The following ARNT2 variants were observed in gnomAD, a reference collection of about 807,000 sequenced individuals.
The protein encoded by ARNT2 is aryl hydrocarbon receptor nuclear translocator 2, also known as ARNT protein 2.
A neutral mutation model predicts 91.7 loss-of-function variants in ARNT2; 36 were observed. The observed-to-expected ratio is 0.39, with a 90% CI of 0.30 to 0.52. The LOEUF (loss-of-function observed/expected upper bound fraction) is 0.52. ARNT2 is among the 20% of genes least tolerant of loss of function. The pLI is 0.72. For synonymous variants in ARNT2, 365 were observed against 347.1 expected, an observed-to-expected ratio of 1.05 and a Z score of -0.57; for missense variants, 775 against 939.3, an observed-to-expected ratio of 0.83 and a Z score of 2.29.
chr15:80,575,365 A>G (rs1898655940), intron 14 of ARNT2, among the ~76,000 whole-genome samples: 1 of 152,134 alleles, frequency 6.6e-6, no homozygotes, highest in African/African-American at 2.4e-5. Flanking sequence ...TGAACATGTT[A>G]GGGATTGTAG....
Position 80,404,466 on chromosome 15 carries a change from C to T in ARNT2, c.-50C>T. The T allele has an allele frequency of 8.4e-7, 1 of 1,188,078 alleles. No homozygotes were observed. The highest frequency in any genetic ancestry group is 3.3e-5 in the Admixed American group (1 of 29,974). The allele number at this position is 1,188,078 out of a possible 1,614,324, so 73.6% of individuals were successfully genotyped here. On this transcript the variant is annotated 5_prime_UTR_variant, in exon 1 of 19. Transcript: ENST00000303329. The surrounding 1 kb of genome is among the most constrained non-coding windows in gnomAD (Gnocchi z 5.5). ...CCGGGGCTGAGCGCCGGGCTCCGCG[C>T]CGCCCCTCCCGCGCCCCTGCCAAGC... is the stretch of plus-strand genomic sequence containing the variant.
intron 8 of ARNT2, among the ~76,000 whole-genome samples, chr15:80,537,680 T>C (rs541380869): frequency 6.6e-6 from 1 of 152,230 alleles, no homozygotes; most frequent in African/African-American, 2.4e-5. Flanking sequence ...AATAAACATA[T>C]AAAATATTTG....
chr15:80,509,404 T>C (rs1440613939), intron 6 of ARNT2, among the ~76,000 whole-genome samples: 5 of 151,940 alleles, frequency 3.3e-5, no homozygotes, highest in Non-Finnish European at 7.4e-5. Flanking sequence ...ATCGCGCCAC[T>C]GCACCCCAGC....
intron 1 of ARNT2, among the ~76,000 whole-genome samples, chr15:80,416,932 C>T (rs933913327): frequency 6.6e-6 from 1 of 152,128 alleles, no homozygotes; most frequent in Non-Finnish European, 1.5e-5. Flanking sequence ...TGGCAGACCT[C>T]ATCTTTGGGT....
At chr15:80,514,964 T>C (rs944821745) in intron 8 of ARNT2, among the ~76,000 whole-genome samples, 20 of 152,178 alleles carry the variant, frequency 1.3e-4, no homozygotes, top group African/African-American at 4.8e-4. Flanking sequence ...TAGCAACTTG[T>C]TTCTAGGTTC....
chr15:80,470,884 G>A (rs1180923010), intron 4 of ARNT2, among the ~76,000 whole-genome samples: 1 of 152,210 alleles, frequency 6.6e-6, no homozygotes, highest in Admixed American at 6.5e-5. Flanking sequence ...AGTAACAGAT[G>A]CTAGTGAGGT....
At chr15:80,439,151 A>G (rs1896145500) in intron 1 of ARNT2, among the ~76,000 whole-genome samples, 1 of 152,210 alleles carries the variant, frequency 6.6e-6, no homozygotes, top group Non-Finnish European at 1.5e-5. Context: ...AGTTCAAAAT[A>G]CATCATACAT....
At chr15:80,427,940 C>G (rs770432435) in intron 1 of ARNT2, among the ~76,000 whole-genome samples, 4 of 152,242 alleles carry the variant, frequency 2.6e-5, no homozygotes, top group Non-Finnish European at 4.4e-5. Flanking sequence ...GACTCCAGCT[C>G]TGAAGGGTCT....
intron 3 of ARNT2, among the ~76,000 whole-genome samples, chr15:80,462,138 G>A (rs895739861): frequency 6.6e-6 from 1 of 152,100 alleles, no homozygotes; most frequent in Admixed American, 6.5e-5. Context: ...CTCAAGCAGA[G>A]GGCCAAAGCC....
Position 80,595,869 on chromosome 15 carries a change from G to C in ARNT2, c.*2171G>C, listed in dbSNP as rs1308837307. 6.6e-6 allele frequency: 1 copy of C among 152,202 alleles called. No individual in the cohort carries two copies. Among genetic ancestry groups the C allele is most frequent in the African/African-American group, 2.4e-5 (1 of 41,452 alleles). 9.4% of individuals were successfully genotyped at this position (152,202 alleles called of 1,614,324 possible). A position where few individuals can be genotyped will look rare whatever the true frequency, so the allele number is the denominator to read the frequency against. On this transcript the variant is annotated 3_prime_UTR_variant, in exon 19 of 19. Coordinates refer to ENST00000303329, the MANE Select transcript of ARNT2 (RefSeq NM_014862.4). ...CAGGCTTGAGCTTGCCCCAGGCCTTGGGCATAATTATTTCCCCCCAAAAAA... is the reference window on the plus strand; with the variant it reads ...CAGGCTTGAGCTTGCCCCAGGCCTTCGGCATAATTATTTCCCCCCAAAAAA...
chr15:80,536,343 A>C (rs866356878), intron 8 of ARNT2, among the ~76,000 whole-genome samples: 3 of 152,214 alleles, frequency 2.0e-5, no homozygotes, highest in South Asian at 2.1e-4. Context: ...TGACGTTTAC[A>C]TAGCTTGCCA....
In ARNT2 at chr15:80,437,640, G is replaced by A. The variant is rs75806402; in HGVS notation, c.32-13240G>A. On this transcript the variant is annotated intron_variant, in intron 1 of 18. Transcript: ENST00000303329. ...CTTTCATCACCTCTGTCCCATCCCT[G>A]TAGGGAAGTTTGCTCAGCTGGAGGT... 7.2e-4 allele frequency among the ~76,000 whole-genome samples: 110 copies of A among 152,188 alleles called. 1 individual carries two copies. The highest frequency in any genetic ancestry group is 2.2e-3 in the African/African-American group (92 of 41,520).
intron 7 of ARNT2, 112 bp downstream of exon 7, chr15:80,514,088 A>G: frequency 8.8e-7 from 1 of 1,136,016 alleles, no homozygotes; most frequent in Non-Finnish European, 1.3e-6. Flanking sequence ...GGACCAAGAG[A>G]ACCAGACATC....
chr15:80,409,227 C>A (rs2141551721), intron 1 of ARNT2, among the ~76,000 whole-genome samples: 1 of 152,346 alleles, frequency 6.6e-6, no homozygotes, highest in East Asian at 1.9e-4. Context: ...CATGCTCCAC[C>A]TATTCATTCC....
chr15:80,435,692 G>A (rs1195710240), intron 1 of ARNT2, among the ~76,000 whole-genome samples: 1 of 152,204 alleles, frequency 6.6e-6, no homozygotes. Flanking sequence ...TGGGAGGCGT[G>A]TGGGCTTCAG....
At position 80,576,880 on chromosome 15, in the gene ARNT2, A is replaced by G; in HGVS notation, c.1528A>G (p.Met510Val). Residue 510 changes from methionine to valine, a missense_variant, in exon 15 of 19, where the codon ATG becomes GTG. Around this residue, in one of 5 missense-constraint regions of ARNT2, gnomAD observed 325 missense variants for 359.9 expected, o/e 0.90. Transcript: ENST00000303329. ...GGTTTTCCTAGCGGAGAAGAAGATG[A>G]TGAGCTCAGCCTCTGCAGCAGGAAC... ...AGISASEKKM[M>V]SSASAAGTQQ... 6.2e-7 allele frequency: 1 copy of G among 1,614,076 alleles called. No homozygotes were observed. The highest frequency in any genetic ancestry group is 1.3e-5 in the African/African-American group (1 of 75,052).
intron 4 of ARNT2, 133 bp downstream of exon 4, chr15:80,470,564 C>T (rs769784585): frequency 1.9e-6 from 2 of 1,026,558 alleles, no homozygotes; most frequent in Non-Finnish European, 2.8e-6. Flanking sequence ...TTCCATTTTT[C>T]TCCAAGAAGC....
chr15:80,580,166 G>C (rs1349113758), intron 15 of ARNT2: 1 of 509,350 alleles, frequency 2.0e-6, no homozygotes, highest in Admixed American at 3.2e-5. Flanking sequence ...GGAGAACGAG[G>C]AGAGGAAGTA....
At position 80,529,479 on chromosome 15, in the gene ARNT2, A is replaced by AT. The variant is rs374375989; in HGVS notation, c.877+15082dup. Among the ~76,000 whole-genome samples the AT allele has an allele frequency of 4.2e-5, 6 of 144,400 alleles. No homozygotes were observed. In the South Asian group the frequency reaches 1.1e-3, roughly 27 times the overall value. 94.7% of individuals were successfully genotyped at this position (144,400 alleles called of 152,430 possible). ...GAGAAGTCTGAGACCAGCTTTTATT[A>AT]TTTTTTTTCTAGATAGCCTGTTTTT... On this transcript the variant is annotated intron_variant, in intron 8 of 18. Transcript: ENST00000303329.
Sources: gnomAD v4.1 joint callset for allele counts (sites outside exome capture counted in the v4.1 genomes callset) on GRCh38, gnomAD v4.1.1 for gene constraint, gnomAD v4.1.1 regional missense constraint, Gnocchi (gnomAD v3.1) non-coding constraint, MANE v1.5 for transcripts, NCBI Gene and HGNC (gene_info 2026-07-23, HGNC 2026-07-21) for gene names.